CREBBP: variants seen among roughly 807,000 people sequenced by gnomAD.
CREBBP encodes CREB binding lysine acetyltransferase.
CREBBP carries 19 observed loss-of-function variants against 265.0 expected under a neutral mutation model. The observed-to-expected ratio is 0.07, with a 90% confidence interval of 0.05 to 0.11. The LOEUF (loss-of-function observed/expected upper bound fraction) is 0.11, where lower values mean the gene tolerates loss of function less well. CREBBP is among the 10% of genes least tolerant of loss of function. The probability of loss-of-function intolerance (pLI) is 1.00; values close to 1 mark genes in which losing one functional copy is unlikely to be tolerated. For missense variants in CREBBP, 2,525 were observed against 3,219.0 expected (o/e 0.78, Z 5.22); for synonymous variants, 1,457 against 1,223.7 (o/e 1.19, Z -3.98).
At chr16:3,733,802 T>C (rs1039469390) in intron 28 of CREBBP, among the ~76,000 whole-genome samples, 2 of 151,858 alleles carry the variant, frequency 1.3e-5, no homozygotes, top group African/African-American at 4.8e-5. Flanking sequence ...CCACCACACC[T>C]GGCTAATTTT....
rs77791648 is a variant in CREBBP, at chr16:3,759,502, G to C, written c.3251-530C>G. 9.6e-3 allele frequency among the ~76,000 whole-genome samples: 1,454 copies of C among 151,792 alleles called. 18 individuals carry two copies. Among genetic ancestry groups the C allele is most frequent in the African/African-American group, 0.033 (1,345 of 41,182 alleles). On this transcript the variant is annotated intron_variant, in intron 16 of 30. Transcript: ENST00000262367. ...CTCGAGAGGGTGAGAAAGGAAAATT[G>C]CTTGAACCCAGGAGACGGAGGTTGC...
intron 28 of CREBBP, among the ~76,000 whole-genome samples, 155 bp from the exon 29 acceptor site, chr16:3,732,092 T>C (rs190446133): frequency 2.0e-5 from 3 of 152,226 alleles, no homozygotes; most frequent in African/African-American, 4.8e-5. Context: ...TGGCTGTAGG[T>C]GCTGCAGCCT....
chr16:3,791,457 C>G (rs565047151), intron 5 of CREBBP, among the ~76,000 whole-genome samples: 3 of 152,110 alleles, frequency 2.0e-5, no homozygotes, highest in Admixed American at 6.5e-5. Flanking sequence ...GTTCTGGGGA[C>G]CATAGCTCCA....
At chr16:3,735,048 CCA>C (rs2052017067) in intron 28 of CREBBP, among the ~76,000 whole-genome samples, 7 of 152,020 alleles carry the variant, frequency 4.6e-5, no homozygotes, top group Admixed American at 3.9e-4. Flanking sequence ...CAGCTACAGC[CCA>C]CACCCACGCC....
chr16:3,849,486 TGTGA>T (rs1567360943), intron 2 of CREBBP, among the ~76,000 whole-genome samples: 3 of 128,382 alleles, frequency 2.3e-5, no homozygotes, highest in African/African-American at 2.8e-5. Context: ...TGTGTGTGTG[TGTGA>T]TGTGCGTGAC....
At chr16:3,843,108 A>G (rs146491361) in intron 2 of CREBBP, among the ~76,000 whole-genome samples, 3 of 152,262 alleles carry the variant, frequency 2.0e-5, no homozygotes, top group Non-Finnish European at 4.4e-5. Flanking sequence ...AGAATTTTCT[A>G]CTAAAACAGA....
In CREBBP at chr16:3,752,187, T is replaced by C. The variant is rs571774478; in HGVS notation, c.3699-381A>G. ...TTTCAAGGAGTTGTTAATACTAGAA[T>C]TGCATGGAGCCCAAATTTAGGAATC... On this transcript the variant is annotated intron_variant, in intron 19 of 30. Coordinates refer to ENST00000262367, the MANE Select transcript of CREBBP (RefSeq NM_004380.3). Among the ~76,000 whole-genome samples the C allele has an allele frequency of 5.9e-5, 9 of 152,308 alleles. No homozygotes were observed. In the South Asian group the frequency reaches 6.2e-4, roughly 11 times the overall value.
chr16:3,775,883 T>C (rs2141224325), intron 11 of CREBBP, among the ~76,000 whole-genome samples: 2 of 151,782 alleles, frequency 1.3e-5, no homozygotes, highest in Admixed American at 1.3e-4. Flanking sequence ...TCCAGCCACT[T>C]TCCCAAGGCT....
Position 3,879,896 on chromosome 16 carries a change from G to T in CREBBP, c.21C>A (p.Asp7Glu). 2 of 1,612,580 alleles carry T rather than the reference G, an allele frequency of 1.2e-6. No homozygotes were observed. Among genetic ancestry groups the T allele is most frequent in the Non-Finnish European group, 1.7e-6 (2 of 1,179,316 alleles). MAENLL[D>E]GPPNPKRAKL... The stretch of plus-strand genomic sequence containing the variant: ...TGGCTCTTTTGGGGTTGGGCGGTCC[G>T]TCCAGCAAGTTCTCAGCCATTTTCA... Residue 7 changes from aspartate to glutamate, a missense_variant, in exon 1 of 31, where the codon GAC becomes GAA. Physicochemically the swap from Asp to Glu is conservative, Grantham distance 45. This residue lies in a region of CREBBP where 356 missense variants were observed against 340.4 expected (regional missense o/e 1.05). Coordinates refer to ENST00000262367, the MANE Select transcript of CREBBP (RefSeq NM_004380.3).
rs551018184 is a variant in CREBBP, at chr16:3,852,035, C to CAAAAA, written c.86-1031_86-1027dup. 5.4e-3 allele frequency among the ~76,000 whole-genome samples: 60 copies of CAAAAA among 11,204 alleles called. 10 individuals are homozygous for CAAAAA. Among genetic ancestry groups the CAAAAA allele is most frequent in the African/African-American group, 5.7e-3 (21 of 3,694 alleles). The allele number at this position is 11,204 out of a possible 152,430, so 7.4% of individuals were successfully genotyped here. ...CCTGGGCAACAGCGAGACTCCATCT[C>CAAAAA]AAAAAAAAAAAAAAAAAAAAAAAAA... On this transcript the variant is annotated intron_variant, in intron 1 of 30. Transcript: ENST00000262367.
At chr16:3,760,002 C>CAGAGAAGAA (rs1198940871) in intron 16 of CREBBP, among the ~76,000 whole-genome samples, 1 of 152,200 alleles carries the variant, frequency 6.6e-6, no homozygotes, top group African/African-American at 2.4e-5. Context: ...TTCACTCACA[C>CAGAGAAGAA]AGAGAAGAAA....
In CREBBP at chr16:3,778,001, A is replaced by G; in HGVS notation, c.2113+10T>C. On this transcript the variant is annotated intron_variant, in intron 10 of 30. Transcript: ENST00000262367. ...GGCTAAGGGATGGCAGTAGGAAATA[A>G]AATCCTTACTTGGAGGTCTCACAGG... 6.2e-7 allele frequency: 1 copy of G among 1,614,090 alleles called. No individual in the cohort carries two copies. The highest frequency in any genetic ancestry group is 8.5e-7 in the Non-Finnish European group (1 of 1,179,906).
At position 3,753,389 on chromosome 16, in the gene CREBBP, G is replaced by C. The variant is rs375071821; in HGVS notation, c.3699-1583C>G. On this transcript the variant is annotated intron_variant, in intron 19 of 30. Transcript: ENST00000262367. ...CTTCAGTGCATGCACATCTCAAGAT[G>C]AGCCAATTTTTTGTGTTTGGTTGAT... is the stretch of plus-strand genomic sequence containing the variant. 1.4e-3 allele frequency among the ~76,000 whole-genome samples: 219 copies of C among 152,316 alleles called. 5 individuals are homozygous for C. Among genetic ancestry groups the C allele is most frequent in the Middle Eastern group, 0.01 (3 of 294 alleles).
intron 2 of CREBBP, among the ~76,000 whole-genome samples, chr16:3,834,499 A>C (rs1489716775): frequency 6.6e-6 from 1 of 152,206 alleles, no homozygotes; most frequent in Admixed American, 6.5e-5. Context: ...CTATGGAGAC[A>C]ATCAGTGGTT....
intron 20 of CREBBP, 21 bp from the exon 21 acceptor site, chr16:3,749,704 C>G (rs2052429779): frequency 6.6e-7 from 1 of 1,525,782 alleles, no homozygotes. Context: ...AATAAGAAAA[C>G]ATGTTTTATT....
intron 23 of CREBBP, chr16:3,740,981 G>A (rs754117615): frequency 2.4e-5 from 8 of 336,240 alleles, no homozygotes; most frequent in African/African-American, 8.6e-5. Flanking sequence ...TGACGTGAAC[G>A]TGGAACGTTC....
At position 3,748,210 on chromosome 16, in the gene CREBBP, G is replaced by A. The variant is rs866932309; in HGVS notation, c.3836+1417C>T. Among the ~76,000 whole-genome samples the A allele has an allele frequency of 7.2e-5, 11 of 152,124 alleles. No individual in the cohort carries two copies. In the East Asian group the frequency reaches 1.2e-3, roughly 16 times the overall value. ...AGAGAATTGCTTGAATCTGGGAGGC[G>A]GAGGCTGCAGTGAGCCGAGATCGCG... is the stretch of plus-strand genomic sequence containing the variant. On this transcript the variant is annotated intron_variant, in intron 21 of 30. Coordinates refer to ENST00000262367, the MANE Select transcript of CREBBP (RefSeq NM_004380.3).
In CREBBP at chr16:3,747,093, C is replaced by T. The variant is rs151198438; in HGVS notation, c.3837-1739G>A. Among the ~76,000 whole-genome samples, 120 of 152,196 alleles carry T rather than the reference C, an allele frequency of 7.9e-4. 1 individual carries two copies. Among genetic ancestry groups the T allele is most frequent in the African/African-American group, 2.8e-3 (116 of 41,520 alleles). On this transcript the variant is annotated intron_variant, in intron 21 of 30. Coordinates refer to ENST00000262367, the MANE Select transcript of CREBBP (RefSeq NM_004380.3). ...TTCCCTCAGTCCCCCAGCAAGCCCC[C>T]CTGCCTGGCTCCAAAAGCTCTTGCT...
chr16:3,766,966 G>A (rs564270270), intron 16 of CREBBP, among the ~76,000 whole-genome samples: 1 of 152,274 alleles, frequency 6.6e-6, no homozygotes, highest in South Asian at 2.1e-4. Context: ...TCCAGCTGCA[G>A]AGTAACATGG....
Sources: gnomAD v4.1 joint callset for allele counts (sites outside exome capture counted in the v4.1 genomes callset) on GRCh38, gnomAD v4.1.1 for gene constraint, gnomAD v4.1.1 regional missense constraint, MANE v1.5 for transcripts, NCBI Gene and HGNC (gene_info 2026-07-23, HGNC 2026-07-21) for gene names.